Variants in NREP observed in about 807,000 individuals in gnomAD.
The protein encoded by NREP is neuronal regeneration-related protein.
NREP carries 5 observed loss-of-function variants against 8.6 expected under a neutral mutation model. That is an observed-to-expected ratio of 0.58 (90% CI 0.30 to 1.22). The LOEUF is 1.22. Ranked by LOEUF, NREP falls within the 50% of genes most tolerant of loss-of-function variation. The probability of loss-of-function intolerance (pLI) is 0.07; values close to 1 mark genes in which losing one functional copy is unlikely to be tolerated. For synonymous variants in NREP, 27 were observed against 28.0 expected, an observed-to-expected ratio of 0.96 and a Z score of 0.11; for missense variants, 86 against 82.5, an observed-to-expected ratio of 1.04 and a Z score of -0.17.
At chr5:111,840,125 A>G (rs1752992207) in intron 2 of NREP, among the ~76,000 whole-genome samples, 1 of 152,070 alleles carries the variant, frequency 6.6e-6, no homozygotes. Context: ...ATAAATCATT[A>G]TTATATGCAT....
At chr5:111,825,342 G>C (rs944066579) in intron 2 of NREP, among the ~76,000 whole-genome samples, 1 of 152,134 alleles carries the variant, frequency 6.6e-6, no homozygotes, top group Admixed American at 6.5e-5. Context: ...CTAAGTATTG[G>C]GGTGGGAGAA....
chr5:111,826,312 GT>G (rs1198752457), intron 2 of NREP, among the ~76,000 whole-genome samples: 1 of 152,198 alleles, frequency 6.6e-6, no homozygotes, highest in Admixed American at 6.5e-5. Flanking sequence ...AAATAAGGGA[GT>G]AAAAGCAGGC....
chr5:111,796,149 G>T (rs748214518), intron 2 of NREP, among the ~76,000 whole-genome samples: 51 of 152,256 alleles, frequency 3.3e-4, no homozygotes, highest in Non-Finnish European at 6.3e-4. Context: ...AAAGTCAACT[G>T]CATTACTTGG....
intron 2 of NREP, among the ~76,000 whole-genome samples, chr5:111,824,631 A>C (rs369199528): frequency 2.6e-5 from 4 of 152,210 alleles, no homozygotes; most frequent in East Asian, 3.8e-4. Flanking sequence ...TTGGTAAGGC[A>C]ATAATCCCAT....
chr5:111,880,826 T>C (rs1266960896), intron 2 of NREP, among the ~76,000 whole-genome samples: 5 of 134,642 alleles, frequency 3.7e-5, no homozygotes, highest in Non-Finnish European at 7.7e-5. Flanking sequence ...AGCCTCAACA[T>C]CCCAGGCTCA....
chr5:111,966,591 T>C (rs1313803283), intron 2 of NREP, among the ~76,000 whole-genome samples: 2 of 151,602 alleles, frequency 1.3e-5, no homozygotes. Context: ...AGGAAAAACA[T>C]GAAAGCAGAG....
intron 2 of NREP, among the ~76,000 whole-genome samples, chr5:111,969,844 CT>C: frequency 6.6e-6 from 1 of 152,206 alleles, no homozygotes; most frequent in South Asian, 2.1e-4. Flanking sequence ...CTGAGGGTCA[CT>C]GGGTAAAAAT....
intron 2 of NREP, among the ~76,000 whole-genome samples, chr5:111,891,037 T>C (rs969587196): frequency 5.3e-5 from 8 of 152,340 alleles, no homozygotes; most frequent in Middle Eastern, 3.4e-3. Flanking sequence ...CTGCAAGTTT[T>C]CCAAATTTTT....
intron 2 of NREP, among the ~76,000 whole-genome samples, chr5:111,838,931 CA>C (rs1752961079): frequency 6.6e-6 from 1 of 151,838 alleles, no homozygotes; most frequent in African/African-American, 2.4e-5. Flanking sequence ...TTTAATTAGA[CA>C]ATTAAAGTAT....
chr5:111,965,465 G>C (rs1756617196), intron 2 of NREP, among the ~76,000 whole-genome samples: 1 of 151,962 alleles, frequency 6.6e-6, no homozygotes, highest in Non-Finnish European at 1.5e-5. Flanking sequence ...TATGAAAAAT[G>C]AAATATCTAA....
At chr5:111,744,050 T>C (rs146491621) in intron 2 of NREP, among the ~76,000 whole-genome samples, 1 of 152,228 alleles carries the variant, frequency 6.6e-6, no homozygotes, top group African/African-American at 2.4e-5. Flanking sequence ...GTGGATGAGA[T>C]AGTTAGTTGC....
intron 2 of NREP, chr5:111,739,749 G>A (rs1027520143): frequency 1.3e-5 from 2 of 151,838 alleles, no homozygotes; most frequent in Non-Finnish European, 2.9e-5. Context: ...TTGTTGTTTC[G>A]GTGGTTTGCA....
intron 3 of NREP, chr5:111,733,213 T>G (rs1748763213): frequency 6.6e-6 from 1 of 152,176 alleles, no homozygotes; most frequent in Non-Finnish European, 1.5e-5. Flanking sequence ...ATTTCAAGCT[T>G]AGAGAGAGAT....
intron 1 of NREP, among the ~76,000 whole-genome samples, chr5:111,756,837 G>A (rs1478048405): frequency 6.6e-6 from 1 of 152,172 alleles, no homozygotes; most frequent in Non-Finnish European, 1.5e-5. Flanking sequence ...GGCTTTAGGA[G>A]CAAGAAGAAC....
intron 2 of NREP, among the ~76,000 whole-genome samples, chr5:111,774,405 G>A (rs892180767): frequency 2.0e-5 from 3 of 152,138 alleles, no homozygotes; most frequent in African/African-American, 4.8e-5. Context: ...AAGAGACTTT[G>A]CTAATATAAT....
intron 2 of NREP, among the ~76,000 whole-genome samples, chr5:111,828,063 CTT>C (rs1371820379): frequency 6.6e-6 from 1 of 150,926 alleles, no homozygotes. Context: ...GAGTTTCGCT[CTT>C]GTTTGCCCAG....
intron 2 of NREP, among the ~76,000 whole-genome samples, chr5:111,787,218 G>C (rs1249858858): frequency 6.6e-6 from 1 of 152,066 alleles, no homozygotes; most frequent in Non-Finnish European, 1.5e-5. Context: ...TCTGACACTG[G>C]AATTTCCCAG....
chr5:111,841,706 G>A (rs1051093610), intron 2 of NREP, among the ~76,000 whole-genome samples: 9 of 152,020 alleles, frequency 5.9e-5, no homozygotes, highest in Non-Finnish European at 1.3e-4. Flanking sequence ...TATAAGTACG[G>A]GCCTGTATTT....
intron 2 of NREP, among the ~76,000 whole-genome samples, chr5:111,872,344 G>A (rs977765795): frequency 6.6e-6 from 1 of 152,090 alleles, no homozygotes; most frequent in South Asian, 2.1e-4. Flanking sequence ...ATTGGGTGAG[G>A]CCTCTCCACA....
Sources: gnomAD v4.1 joint callset for allele counts (sites outside exome capture counted in the v4.1 genomes callset) on GRCh38, gnomAD v4.1.1 for gene constraint, MANE v1.5 for transcripts, NCBI Gene and HGNC (gene_info 2026-07-23, HGNC 2026-07-21) for gene names.